Variants in SGCZ observed in about 807,000 individuals in gnomAD.
The protein encoded by SGCZ is zeta-sarcoglycan.
Under a neutral mutation model 41.3 loss-of-function variants are expected in SGCZ, and 40 were observed. The observed-to-expected ratio is 0.97, with a 90% CI of 0.75 to 1.26. SGCZ has a LOEUF of 1.26. Among genes scored for constraint, SGCZ ranks in the 50% most tolerant of loss-of-function variants. The pLI is 0.00. For synonymous variants in SGCZ, 206 were observed against 137.5 expected (o/e 1.50, Z -3.49); for missense variants, 552 against 369.8 (o/e 1.49, Z -4.04).
intron 1 of SGCZ, among the ~76,000 whole-genome samples, chr8:14,789,346 C>T (rs1406303457): frequency 1.3e-5 from 2 of 152,170 alleles, no homozygotes; most frequent in African/African-American, 4.8e-5. Context: ...ATAATTACAA[C>T]ATTTTAATAT....
chr8:14,217,292 T>C (rs1350297346), intron 4 of SGCZ, among the ~76,000 whole-genome samples: 11 of 31,822 alleles, frequency 3.5e-4, no homozygotes, highest in Admixed American at 6.4e-4. Context: ...TGAGACTCCA[T>C]CTCAAAAAAA....
At chr8:14,285,388 C>G (rs1172563031) in intron 3 of SGCZ, among the ~76,000 whole-genome samples, 1 of 152,072 alleles carries the variant, frequency 6.6e-6, no homozygotes, top group Non-Finnish European at 1.5e-5. Context: ...TGGAGAGTTA[C>G]TCTGTCTTTT....
At chr8:14,108,355 T>C in intron 5 of SGCZ, 120 bp from the exon 6 acceptor site, 1 of 802,762 alleles carries the variant, frequency 1.2e-6, no homozygotes, top group Non-Finnish European at 2.0e-6. Flanking sequence ...GTACATATGA[T>C]GTATTAGTCC....
At chr8:15,046,352 T>A (rs1372207618) in intron 1 of SGCZ, among the ~76,000 whole-genome samples, 1 of 152,054 alleles carries the variant, frequency 6.6e-6, no homozygotes, top group African/African-American at 2.4e-5. Context: ...ACCATTCAAG[T>A]TAATTCCCCC....
At chr8:14,519,615 G>A (rs1467649120) in intron 2 of SGCZ, among the ~76,000 whole-genome samples, 3 of 152,076 alleles carry the variant, frequency 2.0e-5, no homozygotes, top group Non-Finnish European at 2.9e-5. Flanking sequence ...AATCAATGAA[G>A]AATGGAAGAA....
chr8:14,389,178 A>C (rs1486664635), intron 2 of SGCZ, among the ~76,000 whole-genome samples: 1 of 152,018 alleles, frequency 6.6e-6, no homozygotes, highest in Non-Finnish European at 1.5e-5. Context: ...TACTTGGAGA[A>C]ATCACTGACA....
At chr8:15,167,246 T>G (rs1799691450) in intron 1 of SGCZ, among the ~76,000 whole-genome samples, 1 of 152,240 alleles carries the variant, frequency 6.6e-6, no homozygotes, top group African/African-American at 2.4e-5. Context: ...GAGAAAGTGA[T>G]TATTTTACCA....
At chr8:14,726,049 G>A (rs1304373458) in intron 1 of SGCZ, among the ~76,000 whole-genome samples, 2 of 151,780 alleles carry the variant, frequency 1.3e-5, no homozygotes, top group Non-Finnish European at 2.9e-5. Context: ...ATGAGGTCAG[G>A]AGATCGAGAC....
intron 1 of SGCZ, among the ~76,000 whole-genome samples, chr8:15,074,868 A>G (rs747836437): frequency 6.6e-6 from 1 of 152,136 alleles, no homozygotes; most frequent in Non-Finnish European, 1.5e-5. Context: ...CACTGACTCT[A>G]CTGTCTGGGC....
chr8:14,636,201 A>G (rs969256958), intron 1 of SGCZ, among the ~76,000 whole-genome samples: 1 of 151,884 alleles, frequency 6.6e-6, no homozygotes, highest in Non-Finnish European at 1.5e-5. Flanking sequence ...CGGCAGACAT[A>G]AGCTGAATTT....
chr8:14,334,678 A>C (rs1027049064), intron 2 of SGCZ, among the ~76,000 whole-genome samples: 3 of 152,074 alleles, frequency 2.0e-5, no homozygotes, highest in African/African-American at 4.8e-5. Context: ...GTATTCTGAA[A>C]AGAGAGTTCT....
chr8:14,841,828 A>G (rs1188060091), intron 1 of SGCZ, among the ~76,000 whole-genome samples: 1 of 152,184 alleles, frequency 6.6e-6, no homozygotes, highest in African/African-American at 2.4e-5. Context: ...TGAGACCTGG[A>G]AAAATTTTTC....
At chr8:14,235,661 G>A (rs537940013) in intron 4 of SGCZ, among the ~76,000 whole-genome samples, 1 of 152,082 alleles carries the variant, frequency 6.6e-6, no homozygotes, top group Non-Finnish European at 1.5e-5. Flanking sequence ...CTGACAGTGG[G>A]CATGGGTATA....
At chr8:14,197,274 G>C (rs1004305892) in intron 4 of SGCZ, among the ~76,000 whole-genome samples, 2 of 151,896 alleles carry the variant, frequency 1.3e-5, no homozygotes, top group African/African-American at 4.8e-5. Context: ...GAAATGAAGG[G>C]AACACTTCAC....
intron 5 of SGCZ, among the ~76,000 whole-genome samples, chr8:14,163,066 C>G (rs1804095169): frequency 1.3e-5 from 2 of 152,074 alleles, no homozygotes; most frequent in Non-Finnish European, 2.9e-5. Context: ...GACACAAGGT[C>G]TCACTATATT....
At chr8:15,097,569 G>C (rs1305562770) in intron 1 of SGCZ, among the ~76,000 whole-genome samples, 1 of 151,604 alleles carries the variant, frequency 6.6e-6, no homozygotes, top group African/African-American at 2.4e-5. Flanking sequence ...GCACAACAAA[G>C]TGAAACCCCA....
intron 2 of SGCZ, among the ~76,000 whole-genome samples, chr8:14,551,560 T>TATATATA (rs1803850787): frequency 7.2e-4 from 14 of 19,330 alleles, no homozygotes; most frequent in African/African-American, 4.3e-3. Context: ...TAATATATAT[T>TATATATA]ATATATATAA....
intron 1 of SGCZ, among the ~76,000 whole-genome samples, chr8:14,776,030 T>A (rs1371004850): frequency 1.3e-5 from 2 of 152,158 alleles, no homozygotes; most frequent in African/African-American, 4.8e-5. Context: ...AATATCATTA[T>A]GAAATGAGTA....
intron 2 of SGCZ, among the ~76,000 whole-genome samples, chr8:14,534,648 C>T (rs1470234050): frequency 2.7e-5 from 4 of 150,588 alleles, no homozygotes; most frequent in Admixed American, 2.0e-4. Flanking sequence ...GAACCTTAAT[C>T]AAAACTGGCC....
Sources: allele counts gnomAD v4.1 joint callset (sites outside exome capture counted in the v4.1 genomes callset), GRCh38; gene constraint gnomAD v4.1.1; transcripts MANE v1.5; gene names NCBI Gene and HGNC (gene_info 2026-07-23, HGNC 2026-07-21).